Variants in AFDN observed in about 807,000 individuals in gnomAD.
The protein encoded by AFDN is afadin.
AFDN carries 68 observed loss-of-function variants against 216.6 expected under a neutral mutation model. That is an observed-to-expected ratio of 0.31 (90% CI 0.26 to 0.38). The LOEUF (loss-of-function observed/expected upper bound fraction) is 0.38, where lower values mean the gene tolerates loss of function less well. AFDN is among the 10% of genes least tolerant of loss of function. AFDN has a pLI of 1.00. For synonymous variants in AFDN, 868 were observed against 853.7 expected (o/e 1.02, Z -0.29); for missense variants, 2,136 against 2,342.0 (o/e 0.91, Z 1.82).
rs746401659 is a variant in AFDN at position 167,951,837 on chromosome 6, C to T, written c.4483C>T (p.Arg1495Cys). 6.2e-6 allele frequency: 10 copies of T among 1,614,018 alleles called. No homozygotes were observed. The highest frequency in any genetic ancestry group is 2.2e-5 in the East Asian group (1 of 44,880). ...GGAGCTGCAGCCTCAGCAGCAGCCCCGCACGATCGAGCGCAGAGACTTGCA... is the reference window on the plus strand; with the variant it reads ...GGAGCTGCAGCCTCAGCAGCAGCCCTGCACGATCGAGCGCAGAGACTTGCA... The part of the protein sequence containing the change: ...IRELQPQQQP[R>C]TIERRDLQYI... Residue 1495 changes from arginine to cysteine, a missense_variant, in exon 30 of 34, where the codon CGC becomes TGC. Coordinates refer to ENST00000683244, the MANE Select transcript of AFDN (RefSeq NM_001386888.1). This position sits in a 1 kb window ranked among gnomAD's most constrained non-coding sequence, Gnocchi z 7.1.
At chr6:167,916,903 C>T (rs1356541423) in intron 19 of AFDN, among the ~76,000 whole-genome samples, 186 bp from the exon 20 acceptor site, 2 of 152,106 alleles carry the variant, frequency 1.3e-5, no homozygotes, top group Non-Finnish European at 2.9e-5. Flanking sequence ...ATGCCCTTTA[C>T]AAGATAATGC....
chr6:167,846,963 A>G (rs1781766260), intron 1 of AFDN, among the ~76,000 whole-genome samples: 1 of 137,174 alleles, frequency 7.3e-6, no homozygotes, highest in Non-Finnish European at 1.6e-5. Flanking sequence ...TGTCATCTGT[A>G]CAATAAAAAA....
intron 1 of AFDN, among the ~76,000 whole-genome samples, chr6:167,842,619 T>C (rs1207014589): frequency 6.6e-6 from 1 of 152,208 alleles, no homozygotes; most frequent in Admixed American, 6.5e-5. Flanking sequence ...TTTACTGGGC[T>C]GTCTTCCTTC....
chr6:167,927,916 C>T (rs1388366025), intron 23 of AFDN, among the ~76,000 whole-genome samples: 1 of 152,172 alleles, frequency 6.6e-6, no homozygotes, highest in Non-Finnish European at 1.5e-5. Context: ...AGGAAAAAAT[C>T]AGAATCACAA....
intron 2 of AFDN, among the ~76,000 whole-genome samples, chr6:167,865,094 G>T (rs1319708194): frequency 3.1e-4 from 10 of 32,614 alleles, no homozygotes; most frequent in African/African-American, 2.4e-3. Context: ...TGGCTCTTAT[G>T]TAGAGATTAT....
chr6:167,851,367 T>C (rs961441242), intron 1 of AFDN, among the ~76,000 whole-genome samples: 2 of 152,228 alleles, frequency 1.3e-5, no homozygotes, highest in Non-Finnish European at 2.9e-5. Flanking sequence ...CTGATTATTT[T>C]ATCAACCAGG....
chr6:167,955,402 A>AT (rs560562189), intron 30 of AFDN, among the ~76,000 whole-genome samples: 3,374 of 146,384 alleles, frequency 0.023, 53 homozygotes, highest in Non-Finnish European at 0.034. Context: ...TGAGCTTTGC[A>AT]TTTTTTTTTT....
intron 9 of AFDN, among the ~76,000 whole-genome samples, chr6:167,895,957 G>A (rs1788189072): frequency 6.6e-6 from 1 of 152,186 alleles, no homozygotes; most frequent in Admixed American, 6.5e-5. Context: ...AAGCTCTGCA[G>A]TTACATCATC....
Position 167,890,982 on chromosome 6 carries a change from C to T in AFDN, c.1130C>T (p.Ser377Phe), listed in dbSNP as rs1157380705. ...KERADGSGYG[S>F]TLPPEKLPYL... ...AGAGCTGACGGGTCTGGCTATGGCT[C>T]CACCCTTCCTCCGGAGAAGCTGCCC... is the stretch of plus-strand genomic sequence containing the variant. The change falls in exon 8 of 34, where the codon TCC becomes TTC. Residue 377 changes from serine to phenylalanine, a missense_variant. Coordinates refer to ENST00000683244, the MANE Select transcript of AFDN (RefSeq NM_001386888.1). 1 of 1,613,900 alleles carries T rather than the reference C, an allele frequency of 6.2e-7. No homozygotes were observed.
chr6:167,847,118 AC>A (rs1352969040), intron 1 of AFDN, among the ~76,000 whole-genome samples: 5 of 152,156 alleles, frequency 3.3e-5, no homozygotes, highest in Non-Finnish European at 7.4e-5. Flanking sequence ...GTCATTAAAG[AC>A]TTTCATGCTG....
Position 167,864,690 on chromosome 6 carries a change from A to G in AFDN, c.245A>G (p.Asp82Gly), listed in dbSNP as rs1185165034. The G allele has an allele frequency of 1.2e-6, 2 of 1,614,018 alleles. No homozygotes were observed. The highest frequency in any genetic ancestry group is 1.3e-5 in the African/African-American group (1 of 74,890). The stretch of plus-strand genomic sequence containing the variant: ...ACGCTCGCGGAGAAATTTCGACCTG[A>G]TATGCGAATGCTGTCCTCTCCCAAG... Reference protein sequence around the residue: ...IETLAEKFRPDMRMLSSPKYS... With the variant: ...IETLAEKFRPGMRMLSSPKYS... The change falls in exon 2 of 34, where the codon GAT (aspartate) becomes GGT (glycine). Residue 82 changes from aspartate to glycine, a missense_variant. Asp to Gly is a moderately conservative substitution (Grantham distance 94, BLOSUM62 -1). Transcript: ENST00000683244.
At chr6:167,876,387 T>G (rs990569968) in intron 5 of AFDN, among the ~76,000 whole-genome samples, 1 of 152,240 alleles carries the variant, frequency 6.6e-6, no homozygotes, top group African/African-American at 2.4e-5. Flanking sequence ...ATATATATTT[T>G]GTCTTGTTCT....
At chr6:167,873,720 A>G (rs1785034298) in intron 4 of AFDN, among the ~76,000 whole-genome samples, 1 of 152,236 alleles carries the variant, frequency 6.6e-6, no homozygotes, top group Non-Finnish European at 1.5e-5. Context: ...TCTACAGTAT[A>G]TAATACCTTC....
chr6:167,879,525 A>G (rs562152358), intron 5 of AFDN, among the ~76,000 whole-genome samples: 25 of 152,316 alleles, frequency 1.6e-4, no homozygotes, highest in African/African-American at 5.8e-4. Flanking sequence ...TGTGGAACCT[A>G]TCTTAATTTC....
intron 4 of AFDN, among the ~76,000 whole-genome samples, chr6:167,875,060 A>G (rs748214283): frequency 6.6e-6 from 1 of 152,132 alleles, no homozygotes; most frequent in Non-Finnish European, 1.5e-5. Flanking sequence ...TAATCAATAT[A>G]TTTTTCTTTT....
intron 11 of AFDN, among the ~76,000 whole-genome samples, chr6:167,898,801 T>G (rs1281611153): frequency 4.6e-5 from 7 of 152,220 alleles, no homozygotes; most frequent in Non-Finnish European, 8.8e-5. Context: ...ATTATAAAAT[T>G]TTTTGAAGTA....
chr6:167,963,560 G>C (rs1389231412), intron 31 of AFDN: 1 of 1,057,914 alleles, frequency 9.5e-7, no homozygotes, highest in East Asian at 5.3e-5. Flanking sequence ...CTAAGAGTAA[G>C]CTTGATAGAC....
At position 167,901,028 on chromosome 6, in the gene AFDN, T is replaced by A. The variant is rs1788880805; in HGVS notation, c.1581-1289T>A. Reference sequence around the variant, plus strand: ...GTATTATTTTGCATTACAAAATGGTTTTATTTTCTTAGTGGTGAGATAGAG... The same window carrying A: ...GTATTATTTTGCATTACAAAATGGTATTATTTTCTTAGTGGTGAGATAGAG... On this transcript the variant is annotated intron_variant, in intron 11 of 33. Transcript: ENST00000683244. Among the ~76,000 whole-genome samples, 3 of 152,214 alleles carry A rather than the reference T, an allele frequency of 2.0e-5. No individual in the cohort carries two copies. The South Asian group carries it at 6.2e-4, about 32-fold the overall frequency.
Position 167,827,051 on chromosome 6 carries a change from G to A in AFDN, c.-82G>A. On this transcript the variant is annotated 5_prime_UTR_variant, in exon 1 of 34. Coordinates refer to ENST00000683244, the MANE Select transcript of AFDN (RefSeq NM_001386888.1). ...GGCGGCCGGCGGGGGGTGGCGAGGG[G>A]CGCCGGGCCCCCGCGGACCTGTCGT... The A allele has an allele frequency of 1.6e-6, 1 of 610,298 alleles. No homozygotes were observed. Among genetic ancestry groups the A allele is most frequent in the African/African-American group, 2.0e-5 (1 of 49,616 alleles). The allele number at this position is 610,298 out of a possible 1,614,324, so 37.8% of individuals were successfully genotyped here.
Sources: gnomAD v4.1 joint callset for allele counts (sites outside exome capture counted in the v4.1 genomes callset) on GRCh38, gnomAD v4.1.1 for gene constraint, Gnocchi (gnomAD v3.1) non-coding constraint, MANE v1.5 for transcripts, NCBI Gene and HGNC (gene_info 2026-07-23, HGNC 2026-07-21) for gene names.